Variants in C8orf34 observed in about 807,000 individuals in gnomAD.
C8orf34 encodes uncharacterized protein C8orf34.
A neutral mutation model predicts 68.3 loss-of-function variants in C8orf34; 65 were observed. The ratio of observed to expected loss-of-function variants is 0.95; its 90% CI spans 0.78 to 1.17. C8orf34 has a LOEUF of 1.17. Ranked by LOEUF, C8orf34 falls within the 50% of genes most tolerant of loss-of-function variation. C8orf34 has a pLI of 0.00. For synonymous variants in C8orf34, 244 were observed against 241.2 expected (o/e 1.01, Z -0.11); for missense variants, 664 against 655.4 (o/e 1.01, Z -0.14).
At chr8:68,398,231 G>C (rs1417485214) in intron 1 of C8orf34, among the ~76,000 whole-genome samples, 1 of 152,084 alleles carries the variant, frequency 6.6e-6, no homozygotes, top group African/African-American at 2.4e-5. Flanking sequence ...ATATCCTATG[G>C]TTTTTATTTA....
intron 5 of C8orf34, among the ~76,000 whole-genome samples, chr8:68,516,275 T>G (rs1013039877): frequency 6.6e-6 from 1 of 152,238 alleles, no homozygotes; most frequent in Non-Finnish European, 1.5e-5. Context: ...TCTTGAGGAT[T>G]TTAAAAATTC....
intron 11 of C8orf34, among the ~76,000 whole-genome samples, chr8:68,779,378 C>T (rs1374969882): frequency 6.6e-6 from 1 of 152,090 alleles, no homozygotes; most frequent in Non-Finnish European, 1.5e-5. Context: ...AGACTGAAGT[C>T]AGTGATTTCA....
chr8:68,725,676 C>T (rs1821808120), intron 10 of C8orf34, among the ~76,000 whole-genome samples: 1 of 152,182 alleles, frequency 6.6e-6, no homozygotes, highest in African/African-American at 2.4e-5. Flanking sequence ...GATGAGCATA[C>T]TGAGCTTCCA....
chr8:68,652,211 C>T (rs148265193), intron 8 of C8orf34, among the ~76,000 whole-genome samples: 1 of 152,284 alleles, frequency 6.6e-6, no homozygotes, highest in East Asian at 1.9e-4. Context: ...CATGTTGATA[C>T]CTTCTTTGGA....
intron 10 of C8orf34, among the ~76,000 whole-genome samples, chr8:68,722,928 T>C (rs1039315508): frequency 2.0e-5 from 3 of 152,218 alleles, no homozygotes; most frequent in Non-Finnish European, 4.4e-5. Context: ...CAGTTCAGCA[T>C]TTCCCATCTC....
intron 8 of C8orf34, among the ~76,000 whole-genome samples, chr8:68,681,050 G>A (rs2130875821): frequency 6.6e-6 from 1 of 152,222 alleles, no homozygotes; most frequent in East Asian, 1.9e-4. Context: ...CTCTCTGCAA[G>A]AAGAAAAATA....
chr8:68,582,245 G>A (rs1817087153), intron 7 of C8orf34, among the ~76,000 whole-genome samples: 1 of 152,132 alleles, frequency 6.6e-6, no homozygotes, highest in Admixed American at 6.6e-5. Context: ...AAGAGGGAAT[G>A]ACCTAATGCA....
chr8:68,751,302 G>A (rs572010391), intron 10 of C8orf34, among the ~76,000 whole-genome samples: 6 of 152,260 alleles, frequency 3.9e-5, no homozygotes, highest in African/African-American at 1.2e-4. Context: ...AGAACGCAGA[G>A]CTTGTAATTT....
intron 4 of C8orf34, among the ~76,000 whole-genome samples, chr8:68,469,847 T>C (rs187406692): frequency 6.8e-6 from 1 of 146,366 alleles, no homozygotes; most frequent in Non-Finnish European, 1.5e-5. Context: ...AGGCAAACAT[T>C]GTCTTGGTAT....
chr8:68,438,586 G>T (rs2129625647), intron 1 of C8orf34: 1 of 152,250 alleles, frequency 6.6e-6, no homozygotes, highest in East Asian at 1.9e-4. Context: ...GCAATGAACA[G>T]ACTAGAATTC....
intron 5 of C8orf34, among the ~76,000 whole-genome samples, chr8:68,503,297 T>C (rs991989909): frequency 2.4e-4 from 36 of 152,114 alleles, no homozygotes; most frequent in Non-Finnish European, 4.0e-4. Flanking sequence ...CAAAAAAAAG[T>C]ACATACCAGA....
intron 1 of C8orf34, among the ~76,000 whole-genome samples, chr8:68,389,529 C>T (rs1440306176): frequency 6.6e-6 from 1 of 152,154 alleles, no homozygotes; most frequent in Non-Finnish European, 1.5e-5. Context: ...TAAGCACCTA[C>T]AACACCTAAG....
Position 68,481,544 on chromosome 8 carries a change from C to T in C8orf34, c.737-6479C>T, listed in dbSNP as rs544670368. Reference sequence around the variant, plus strand: ...ACTCAAAGCCAGCCCATGGCAGCAGCCAGGAGAGAGGCATACCCTACAAAG... The same window carrying T: ...ACTCAAAGCCAGCCCATGGCAGCAGTCAGGAGAGAGGCATACCCTACAAAG... On this transcript the variant is annotated intron_variant, in intron 4 of 13. Transcript: ENST00000518698. Among the ~76,000 whole-genome samples the T allele has an allele frequency of 5.9e-5, 9 of 152,344 alleles. No individual in the cohort carries two copies. In the South Asian group the frequency reaches 1.9e-3, roughly 32 times the overall value.
chr8:68,572,497 A>G (rs1441146332), intron 7 of C8orf34, among the ~76,000 whole-genome samples: 2 of 151,344 alleles, frequency 1.3e-5, no homozygotes, highest in Admixed American at 1.3e-4. Flanking sequence ...ATTTTAATAT[A>G]ATTTATGATA....
chr8:68,613,443 T>TCCCCCCC (rs141908753), intron 7 of C8orf34, among the ~76,000 whole-genome samples: 17 of 130,116 alleles, frequency 1.3e-4, no homozygotes, highest in African/African-American at 2.9e-4. Flanking sequence ...TCCCTCCCCC[T>TCCCCCCC]CCCCCCACAC....
At chr8:68,797,747 A>G (rs2129529424) in intron 12 of C8orf34, among the ~76,000 whole-genome samples, 1 of 152,304 alleles carries the variant, frequency 6.6e-6, no homozygotes, top group South Asian at 2.1e-4. Flanking sequence ...TGTGCACTGT[A>G]TGGAATATAA....
chr8:68,715,800 C>G (rs1490471619), intron 9 of C8orf34, among the ~76,000 whole-genome samples: 2 of 152,110 alleles, frequency 1.3e-5, no homozygotes, highest in Non-Finnish European at 2.9e-5. Flanking sequence ...TTTGATCCAG[C>G]AATCCTGTTA....
At chr8:68,627,271 G>C (rs929490963) in intron 7 of C8orf34, among the ~76,000 whole-genome samples, 1 of 151,982 alleles carries the variant, frequency 6.6e-6, no homozygotes. Context: ...CTCTGTGCTG[G>C]TCTCCTTTCC....
At chr8:68,705,803 A>AC (rs1563620641) in intron 8 of C8orf34, among the ~76,000 whole-genome samples, 1 of 152,116 alleles carries the variant, frequency 6.6e-6, no homozygotes, top group African/African-American at 2.4e-5. Flanking sequence ...GGAAAAAAAA[A>AC]CAGAAAAAAT....
Sources: allele counts gnomAD v4.1 joint callset (sites outside exome capture counted in the v4.1 genomes callset), GRCh38; gene constraint gnomAD v4.1.1; transcripts MANE v1.5; gene names NCBI Gene and HGNC (gene_info 2026-07-23, HGNC 2026-07-21).